The following FRMD5 variants were observed in gnomAD, a reference collection of about 807,000 sequenced individuals.
FRMD5 encodes the protein FERM domain-containing protein 5.
A neutral mutation model predicts 69.0 loss-of-function variants in FRMD5; 20 were observed. That is an observed-to-expected ratio of 0.29 (90% CI 0.20 to 0.42). The LOEUF (loss-of-function observed/expected upper bound fraction) is 0.42. FRMD5 is among the 10% of genes least tolerant of loss of function. The pLI is 1.00. For missense variants in FRMD5, 595 were observed against 708.6 expected (o/e 0.84, Z 1.82); for synonymous variants, 271 against 260.1 (o/e 1.04, Z -0.40).
intron 4 of FRMD5, among the ~76,000 whole-genome samples, chr15:43,914,413 T>C (rs1450687125): frequency 2.0e-5 from 3 of 152,216 alleles, no homozygotes; most frequent in Admixed American, 6.5e-5. Flanking sequence ...AGTCAGAGAC[T>C]ATGTTTTATT....
At chr15:44,168,620 CTG>C (rs538187249) in intron 1 of FRMD5, among the ~76,000 whole-genome samples, 136 of 152,200 alleles carry the variant, frequency 8.9e-4, no homozygotes, top group African/African-American at 3.1e-3. Flanking sequence ...AAATAATAAA[CTG>C]TATCTTTATT....
chr15:43,904,269 C>G (rs1374837402), intron 6 of FRMD5, among the ~76,000 whole-genome samples: 1 of 152,204 alleles, frequency 6.6e-6, no homozygotes, highest in Non-Finnish European at 1.5e-5. Context: ...AGCTCTGCTC[C>G]CTGTTGCCAG....
chr15:44,083,726 T>C (rs144637338), intron 1 of FRMD5, among the ~76,000 whole-genome samples: 3,026 of 152,122 alleles, frequency 0.02, 42 homozygotes, highest in Middle Eastern at 0.071. Flanking sequence ...GATCAAACTA[T>C]GGAAATAATA....
chr15:43,963,747 C>T (rs972643057), intron 1 of FRMD5, among the ~76,000 whole-genome samples: 13 of 152,190 alleles, frequency 8.5e-5, no homozygotes, highest in African/African-American at 2.9e-4. Flanking sequence ...TGAGTTCATG[C>T]ACTTTGTAGG....
At chr15:43,905,707 G>C in intron 6 of FRMD5, 121 bp downstream of exon 6, 1 of 1,272,512 alleles carries the variant, frequency 7.9e-7, no homozygotes, top group South Asian at 1.4e-5. Context: ...GGTCAGGAAG[G>C]CTGGGGAGCA....
In FRMD5 at chr15:43,891,971, A is replaced by G; in HGVS notation, c.728+10T>C. The G allele has an allele frequency of 1.2e-6, 2 of 1,610,404 alleles. No homozygotes were observed. Among genetic ancestry groups the G allele is most frequent in the Middle Eastern group, 3.3e-4 (2 of 6,060 alleles). The stretch of plus-strand genomic sequence containing the variant: ...TATAAAGAGCCTATTTTGGAAATGA[A>G]GATGCTCACCATTTAATGAAGTGGA... On this transcript the variant is annotated intron_variant, in intron 8 of 13. Coordinates refer to ENST00000417257, the MANE Select transcript of FRMD5 (RefSeq NM_032892.5).
At chr15:43,938,742 G>A (rs956501966) in intron 1 of FRMD5, among the ~76,000 whole-genome samples, 1 of 152,160 alleles carries the variant, frequency 6.6e-6, no homozygotes, top group East Asian at 1.9e-4. Context: ...AAATTTAACA[G>A]AAACCAGTAA....
chr15:43,888,783 T>G (rs1372716236), intron 9 of FRMD5, 26 bp downstream of exon 9: 1 of 1,603,164 alleles, frequency 6.2e-7, no homozygotes, highest in Non-Finnish European at 8.5e-7. Context: ...CCAGCCCTCC[T>G]TGAAGAGAAG....
intron 5 of FRMD5, among the ~76,000 whole-genome samples, chr15:43,907,757 C>T (rs547409750): frequency 2.6e-5 from 4 of 152,226 alleles, no homozygotes; most frequent in East Asian, 1.9e-4. Flanking sequence ...CTGCCTGTCT[C>T]GGCCTCCCAA....
intron 1 of FRMD5, among the ~76,000 whole-genome samples, chr15:44,035,402 T>C (rs1472276961): frequency 6.6e-6 from 1 of 152,176 alleles, no homozygotes; most frequent in Non-Finnish European, 1.5e-5. Flanking sequence ...TAAGTGTTAC[T>C]CTGGTGGTGT....
At chr15:44,082,216 A>G (rs188524340) in intron 1 of FRMD5, among the ~76,000 whole-genome samples, 4,097 of 152,048 alleles carry the variant, frequency 0.027, 99 homozygotes, top group Non-Finnish European at 0.039. Context: ...CACAGAGGGG[A>G]AAAGTTGAGT....
At chr15:43,937,427 C>T (rs780112258) in intron 1 of FRMD5, among the ~76,000 whole-genome samples, 14 of 151,974 alleles carry the variant, frequency 9.2e-5, no homozygotes, top group Non-Finnish European at 1.3e-4. Context: ...CACTTGAAGC[C>T]GGGAGTTCAA....
chr15:43,923,076 G>C (rs1031914106), intron 2 of FRMD5, among the ~76,000 whole-genome samples: 1 of 152,186 alleles, frequency 6.6e-6, no homozygotes, highest in African/African-American at 2.4e-5. Context: ...AAGAGCAAAG[G>C]GTAGATGAAG....
At chr15:43,917,660 C>G (rs1466181435) in intron 4 of FRMD5, 1 of 152,346 alleles carries the variant, frequency 6.6e-6, no homozygotes, top group Non-Finnish European at 1.5e-5. Flanking sequence ...TCTGGGATTA[C>G]AGGCGTGAGC....
intron 1 of FRMD5, among the ~76,000 whole-genome samples, chr15:43,934,856 C>T (rs185403542): frequency 3.3e-5 from 5 of 152,270 alleles, no homozygotes; most frequent in Non-Finnish European, 5.9e-5. Context: ...TTTCTATATG[C>T]GAGGGCTTTA....
At chr15:44,098,993 A>G (rs2076597168) in intron 1 of FRMD5, among the ~76,000 whole-genome samples, 1 of 152,200 alleles carries the variant, frequency 6.6e-6, no homozygotes, top group Non-Finnish European at 1.5e-5. Context: ...GTCATATATC[A>G]AAAACACGAC....
At chr15:43,986,840 C>T (rs1889419617) in intron 1 of FRMD5, among the ~76,000 whole-genome samples, 1 of 151,812 alleles carries the variant, frequency 6.6e-6, no homozygotes, top group Admixed American at 6.6e-5. Context: ...AGCAAGCCTG[C>T]ATTGAGCAAG....
chr15:44,194,885 C>G, intron 1 of FRMD5, 68 bp downstream of exon 1: 1 of 1,372,430 alleles, frequency 7.3e-7, no homozygotes, highest in South Asian at 1.2e-5. Context: ...CGGCCGCCGC[C>G]GGCCAAGTTG....
At chr15:43,900,334 T>C (rs1362086546) in intron 7 of FRMD5, among the ~76,000 whole-genome samples, 1 of 152,178 alleles carries the variant, frequency 6.6e-6, no homozygotes, top group African/African-American at 2.4e-5. Context: ...ACAGAGGGCA[T>C]TGTTTGGAAG....
Sources: gnomAD v4.1 joint callset for allele counts (sites outside exome capture counted in the v4.1 genomes callset) on GRCh38, gnomAD v4.1.1 for gene constraint, MANE v1.5 for transcripts, NCBI Gene and HGNC (gene_info 2026-07-23, HGNC 2026-07-21) for gene names.